The following PSD3 variants were observed in gnomAD, a reference collection of about 807,000 sequenced individuals.
PSD3 encodes pleckstrin and Sec7 domain containing 3.
A neutral mutation model predicts 105.5 loss-of-function variants in PSD3; 49 were observed. The observed-to-expected ratio is 0.46, with a 90% CI of 0.37 to 0.59. PSD3 has a LOEUF of 0.59. PSD3 is among the 20% of genes least tolerant of loss of function. PSD3 has a pLI of 0.00. For missense variants in PSD3, 1,561 were observed against 1,263.8 expected, an observed-to-expected ratio of 1.24 and a Z score of -3.57; for synonymous variants, 557 against 457.8, an observed-to-expected ratio of 1.22 and a Z score of -2.77.
intron 9 of PSD3, among the ~76,000 whole-genome samples, chr8:18,676,333 G>A (rs1800061283): frequency 6.6e-6 from 1 of 152,094 alleles, no homozygotes; most frequent in Non-Finnish European, 1.5e-5. Context: ...TACGACCTTG[G>A]GAGTTAGAGA....
chr8:18,610,061 CACTT>C (rs1336697261), intron 11 of PSD3, among the ~76,000 whole-genome samples: 1 of 152,188 alleles, frequency 6.6e-6, no homozygotes, highest in African/African-American at 2.4e-5. Context: ...ATCTTTGAAA[CACTT>C]AAGGCAATTT....
At chr8:19,052,717 G>C (rs1186336014) in intron 1 of PSD3, among the ~76,000 whole-genome samples, 4 of 152,158 alleles carry the variant, frequency 2.6e-5, no homozygotes, top group Non-Finnish European at 4.4e-5. Flanking sequence ...CTACACAAAG[G>C]GGGAAGGAGT....
chr8:18,542,631 G>A (rs1171346242), intron 15 of PSD3, among the ~76,000 whole-genome samples: 1 of 152,096 alleles, frequency 6.6e-6, no homozygotes, highest in Non-Finnish European at 1.5e-5. Context: ...AAATGAGATG[G>A]GATGTTTAAT....
intron 2 of PSD3, among the ~76,000 whole-genome samples, chr8:18,875,135 T>G (rs1817646920): frequency 6.6e-6 from 1 of 152,026 alleles, no homozygotes; most frequent in Admixed American, 6.6e-5. Context: ...CCCAGGCTGG[T>G]TTCAAACTCC....
At chr8:18,661,990 A>ATT (rs112422059) in intron 9 of PSD3, among the ~76,000 whole-genome samples, 19 of 147,584 alleles carry the variant, frequency 1.3e-4, no homozygotes, top group South Asian at 2.2e-4. Context: ...ACATGCTTGA[A>ATT]TTTTTTTTTT....
chr8:18,639,509 T>C (rs1164937110), intron 10 of PSD3, among the ~76,000 whole-genome samples: 2 of 152,140 alleles, frequency 1.3e-5, no homozygotes, highest in Non-Finnish European at 2.9e-5. Context: ...GAATATGACC[T>C]TGTTTGGAAA....
chr8:18,549,306 C>G (rs540515997), intron 15 of PSD3, among the ~76,000 whole-genome samples: 2 of 151,838 alleles, frequency 1.3e-5, no homozygotes, highest in African/African-American at 4.8e-5. Flanking sequence ...CTCAGCCTCC[C>G]AAGTAGCTGG....
At chr8:18,731,437 T>C (rs570144053) in intron 9 of PSD3, among the ~76,000 whole-genome samples, 49 of 152,316 alleles carry the variant, frequency 3.2e-4, no homozygotes, top group African/African-American at 1.2e-3. Flanking sequence ...AGATTCTCTA[T>C]ACCCTTCCTC....
intron 2 of PSD3, among the ~76,000 whole-genome samples, chr8:18,875,653 C>T (rs1727901962): frequency 6.6e-6 from 1 of 152,108 alleles, no homozygotes; most frequent in African/African-American, 2.4e-5. Context: ...TCTCCTGCCT[C>T]AGCCTCCCGA....
chr8:18,558,342 T>C (rs910406222), intron 14 of PSD3, among the ~76,000 whole-genome samples: 3 of 152,222 alleles, frequency 2.0e-5, no homozygotes, highest in Admixed American at 1.3e-4. Context: ...TGTATTTTCC[T>C]TCTTTTCTAA....
chr8:18,676,713 C>T (rs977810320), intron 9 of PSD3, among the ~76,000 whole-genome samples: 4 of 152,208 alleles, frequency 2.6e-5, no homozygotes, highest in Non-Finnish European at 4.4e-5. Flanking sequence ...TGTGCTTTGC[C>T]CAGCCAAGCC....
At chr8:18,928,197 G>T (rs565746970) in intron 2 of PSD3, among the ~76,000 whole-genome samples, 2 of 152,126 alleles carry the variant, frequency 1.3e-5, no homozygotes, top group Non-Finnish European at 2.9e-5. Flanking sequence ...GGAATCATGC[G>T]GGCAGTTTCC....
At position 18,763,832 on chromosome 8, in the gene PSD3, C is replaced by T. The variant is rs141076052; in HGVS notation, c.2172+1617G>A. On this transcript the variant is annotated intron_variant, in intron 9 of 15. Coordinates refer to ENST00000327040, the MANE Select transcript of PSD3 (RefSeq NM_015310.4). ...GGAAGAGAATCAATACTTCACTTGA[C>T]AATTACCATGCTAACCACCACCATT... is the stretch of plus-strand genomic sequence containing the variant. Among the ~76,000 whole-genome samples the T allele has an allele frequency of 2.4e-3, 367 of 152,222 alleles. 3 individuals carry two copies. The highest frequency in any genetic ancestry group is 8.4e-3 in the African/African-American group (350 of 41,546).
At chr8:18,755,597 C>T (rs1282049849) in intron 9 of PSD3, among the ~76,000 whole-genome samples, 1 of 152,156 alleles carries the variant, frequency 6.6e-6, no homozygotes, top group Non-Finnish European at 1.5e-5. Context: ...TAAATTCCCA[C>T]TGGGAATCAT....
At chr8:18,945,608 T>G (rs140335118) in intron 1 of PSD3, among the ~76,000 whole-genome samples, 22 of 152,336 alleles carry the variant, frequency 1.4e-4, no homozygotes, top group Non-Finnish European at 2.8e-4. Flanking sequence ...AGGAAACCAA[T>G]ACAGATAAAC....
chr8:18,559,747 C>A (rs1175722553), intron 14 of PSD3, among the ~76,000 whole-genome samples: 2 of 152,084 alleles, frequency 1.3e-5, no homozygotes, highest in Admixed American at 1.3e-4. Context: ...TTCTGTTGAA[C>A]AAATCCCAAT....
chr8:18,689,435 T>C (rs1379426969), intron 9 of PSD3, among the ~76,000 whole-genome samples: 1 of 152,152 alleles, frequency 6.6e-6, no homozygotes, highest in Non-Finnish European at 1.5e-5. Flanking sequence ...AGGTGAAGAC[T>C]GAGGTATGAA....
intron 1 of PSD3, among the ~76,000 whole-genome samples, chr8:18,946,072 C>T (rs1352209422): frequency 6.6e-6 from 1 of 152,216 alleles, no homozygotes; most frequent in African/African-American, 2.4e-5. Flanking sequence ...AATCACAAGA[C>T]TAACATGTAA....
At chr8:18,701,870 T>C (rs917851492) in intron 9 of PSD3, among the ~76,000 whole-genome samples, 1 of 152,234 alleles carries the variant, frequency 6.6e-6, no homozygotes, top group Admixed American at 6.5e-5. Context: ...TCTCAGGTTT[T>C]TTCAACCGAC....
Sources: allele counts gnomAD v4.1 joint callset (sites outside exome capture counted in the v4.1 genomes callset), GRCh38; gene constraint gnomAD v4.1.1; transcripts MANE v1.5; gene names NCBI Gene and HGNC (gene_info 2026-07-23, HGNC 2026-07-21).